Variants in KCNJ10 observed in about 807,000 individuals in gnomAD.
KCNJ10 encodes ATP-sensitive inward rectifier potassium channel 10.
Under a neutral mutation model 22.2 loss-of-function variants are expected in KCNJ10, and 9 were observed. The observed-to-expected ratio is 0.40, with a 90% CI of 0.24 to 0.71. The LOEUF is 0.71. Ranked by LOEUF, KCNJ10 falls within the 30% of genes least tolerant of loss-of-function variation. The probability of loss-of-function intolerance (pLI) is 0.35; values close to 1 mark genes in which losing one functional copy is unlikely to be tolerated. For missense variants in KCNJ10, 337 were observed against 482.7 expected, an observed-to-expected ratio of 0.70 and a Z score of 2.83; for synonymous variants, 184 against 187.3, an observed-to-expected ratio of 0.98 and a Z score of 0.15.
rs1648575092 is a variant in KCNJ10, at chr1:160,040,417, G to A, written c.*976C>T. The A allele has an allele frequency of 2.5e-6, 1 of 397,470 alleles. No individual in the cohort carries two copies. The highest frequency in any genetic ancestry group is 4.4e-6 in the Non-Finnish European group (1 of 225,460). The allele number at this position is 397,470 out of a possible 1,614,324, so 24.6% of individuals were successfully genotyped here. On this transcript the variant is annotated 3_prime_UTR_variant, in exon 2 of 2. Coordinates refer to ENST00000644903, the MANE Select transcript of KCNJ10 (RefSeq NM_002241.5). ...TTTCCCTCCCTTCTCCCAAAGAGTTGGGGTTAAGGAAGAAGGATCTAGGCT... is the reference window on the plus strand; with the variant it reads ...TTTCCCTCCCTTCTCCCAAAGAGTTAGGGTTAAGGAAGAAGGATCTAGGCT...
chr1:160,060,752 A>T (rs1159995184), intron 1 of KCNJ10, among the ~76,000 whole-genome samples: 2 of 152,164 alleles, frequency 1.3e-5, no homozygotes, highest in Non-Finnish European at 2.9e-5. Context: ...AACTGCTAGA[A>T]GATGCTCTGG....
chr1:160,048,219 C>T lies in KCNJ10; in HGVS notation c.1-5687G>A, dbSNP rs984389523. On this transcript the variant is annotated intron_variant, in intron 1 of 1. Transcript: ENST00000644903. ...GGAATGACTGAAAGCCTGATCTGGA[C>T]GGGCCAAGGCCTCACAGGAGACACC... Among the ~76,000 whole-genome samples, 12 of 21,682 alleles carry T rather than the reference C, an allele frequency of 5.5e-4. No homozygotes were observed. The East Asian group carries it at 0.011, about 20-fold the overall frequency. The allele number at this position is 21,682 out of a possible 152,430, so 14.2% of individuals were successfully genotyped here.
At chr1:160,063,838 G>A (rs2101935835) in intron 1 of KCNJ10, among the ~76,000 whole-genome samples, 1 of 152,302 alleles carries the variant, frequency 6.6e-6, no homozygotes, top group African/African-American at 2.4e-5. Flanking sequence ...GGATTCAGGG[G>A]CAAGGCTCCG....
chr1:160,056,963 T>A (rs527288781), intron 1 of KCNJ10, among the ~76,000 whole-genome samples: 2 of 152,340 alleles, frequency 1.3e-5, no homozygotes, highest in African/African-American at 4.8e-5. Context: ...CTATTTCTTA[T>A]CCTGGCATGT....
chr1:160,060,091 C>A (rs1649149790), intron 1 of KCNJ10, among the ~76,000 whole-genome samples: 1 of 152,144 alleles, frequency 6.6e-6, no homozygotes, highest in Non-Finnish European at 1.5e-5. Flanking sequence ...CTCTGACCCT[C>A]ACTCAGAGGA....
intron 1 of KCNJ10, among the ~76,000 whole-genome samples, chr1:160,056,163 A>G (rs189352094): frequency 6.6e-6 from 1 of 151,954 alleles, no homozygotes; most frequent in Non-Finnish European, 1.5e-5. Context: ...CATTCACTTG[A>G]AGTGTTGCAA....
chr1:160,042,456 C>A lies in KCNJ10; in HGVS notation c.77G>T (p.Arg26Leu). ...ESRPLMGPGI[R>L]RRRVLTKDGR... is the part of the protein sequence containing the mutation. Reference sequence around the variant, plus strand: ...ATCTTTTGTCAGGACTCTCCGCCGTCGTATCCCTGGGCCCATTAGGGGCCG... The same window carrying A: ...ATCTTTTGTCAGGACTCTCCGCCGTAGTATCCCTGGGCCCATTAGGGGCCG... The change falls in exon 2 of 2, where the codon CGA becomes CTA. Residue 26 changes from arginine to leucine, a missense_variant. This residue lies in a region of KCNJ10 where 107 missense variants were observed against 135.2 expected (regional missense o/e 0.79). Coordinates refer to ENST00000644903, the MANE Select transcript of KCNJ10 (RefSeq NM_002241.5). The A allele has an allele frequency of 6.2e-7, 1 of 1,614,164 alleles. No individual in the cohort carries two copies. Among genetic ancestry groups the A allele is most frequent in the South Asian group, 1.1e-5 (1 of 91,064 alleles).
At position 160,038,671 on chromosome 1, in the gene KCNJ10, A is replaced by G. The variant is rs1266897167; in HGVS notation, c.*2722T>C. ...TTTGGGCATATATACATCTATATAC[A>G]TCTTTCTATATATATATTATCTCTG... On this transcript the variant is annotated 3_prime_UTR_variant, in exon 2 of 2. Transcript: ENST00000644903. 1 of 152,064 alleles carries G rather than the reference A, an allele frequency of 6.6e-6. No individual in the cohort carries two copies. Among genetic ancestry groups the G allele is most frequent in the Admixed American group, 6.6e-5 (1 of 15,256 alleles). The allele number at this position is 152,064 out of a possible 1,614,324, so 9.4% of individuals were successfully genotyped here. A position where few individuals can be genotyped will look rare whatever the true frequency, so the allele number is the denominator to read the frequency against.
chr1:160,042,924 G>A (rs1442926547), intron 1 of KCNJ10, among the ~76,000 whole-genome samples: 1 of 133,354 alleles, frequency 7.5e-6, no homozygotes, highest in Non-Finnish European at 1.6e-5. Context: ...GTGACACAGC[G>A]AGACTCCGTC....
intron 1 of KCNJ10, among the ~76,000 whole-genome samples, chr1:160,057,383 G>A (rs1195432771): frequency 1.3e-5 from 2 of 152,070 alleles, no homozygotes; most frequent in Non-Finnish European, 2.9e-5. Flanking sequence ...CCATCCCTTC[G>A]ATCTCCTTTC....
chr1:160,060,862 T>C (rs1199313015), intron 1 of KCNJ10, among the ~76,000 whole-genome samples: 1 of 152,186 alleles, frequency 6.6e-6, no homozygotes, highest in African/African-American at 2.4e-5. Context: ...GAAGGACTTA[T>C]AATTGATAGA....
chr1:160,042,437 T>G lies in KCNJ10; in HGVS notation c.96A>C (p.Thr32=), dbSNP rs2101925165. ...GPGIRRRRVL[T]KDGRSNVRME... Reference sequence around the variant, plus strand: ...TTCTCACGTTGCTGCGACCATCTTTTGTCAGGACTCTCCGCCGTCGTATCC... The same window carrying G: ...TTCTCACGTTGCTGCGACCATCTTTGGTCAGGACTCTCCGCCGTCGTATCC... The change falls in exon 2 of 2, where the codon ACA becomes ACC. Residue 32 remains threonine, a synonymous_variant. Coordinates refer to ENST00000644903, the MANE Select transcript of KCNJ10 (RefSeq NM_002241.5). 1 of 1,614,224 alleles carries G rather than the reference T, an allele frequency of 6.2e-7. No homozygotes were observed. The highest frequency in any genetic ancestry group is 8.5e-7 in the Non-Finnish European group (1 of 1,180,044).
intron 1 of KCNJ10, among the ~76,000 whole-genome samples, chr1:160,042,862 G>A (rs186595173): frequency 5.3e-5 from 8 of 151,742 alleles, no homozygotes; most frequent in South Asian, 4.2e-4. Context: ...GCTTGAACCC[G>A]GGAGACAGAG....
intron 1 of KCNJ10, among the ~76,000 whole-genome samples, chr1:160,046,967 C>A (rs1423825106): frequency 6.6e-6 from 1 of 152,186 alleles, no homozygotes; most frequent in African/African-American, 2.4e-5. Flanking sequence ...CAGAGATATT[C>A]ACCTTCTTTC....
rs1218919902 is a variant in KCNJ10 at position 160,038,667 on chromosome 1, A to G, written c.*2726T>C. On this transcript the variant is annotated 3_prime_UTR_variant, in exon 2 of 2. Coordinates refer to ENST00000644903, the MANE Select transcript of KCNJ10 (RefSeq NM_002241.5). ...TATATTTGGGCATATATACATCTAT[A>G]TACATCTTTCTATATATATATTATC... 4 of 152,118 alleles carry G rather than the reference A, an allele frequency of 2.6e-5. No homozygotes were observed. The highest frequency in any genetic ancestry group is 5.9e-5 in the Non-Finnish European group (4 of 68,024). The allele number at this position is 152,118 out of a possible 1,614,324, so 9.4% of individuals were successfully genotyped here.
Position 160,060,973 on chromosome 1 carries a change from A to G in KCNJ10, c.-1+9049T>C, listed in dbSNP as rs543629005. 4.6e-5 allele frequency among the ~76,000 whole-genome samples: 7 copies of G among 152,186 alleles called. No individual in the cohort carries two copies. The East Asian group carries it at 1.4e-3, about 29-fold the overall frequency. On this transcript the variant is annotated intron_variant, in intron 1 of 1. Transcript: ENST00000644903. ...GGGCCGGTAGGAGGGTGGGAAGTGA[A>G]AGGAGGTAGGCTCACTCTGCCTAGG...
chr1:160,042,627 G>T, intron 1 of KCNJ10, 95 bp from the exon 2 acceptor site: 2 of 1,099,536 alleles, frequency 1.8e-6, no homozygotes, highest in Non-Finnish European at 2.7e-6. Flanking sequence ...ACATTCATTT[G>T]AATGTCGCTT....
intron 1 of KCNJ10, among the ~76,000 whole-genome samples, chr1:160,057,726 A>G (rs930369234): frequency 6.6e-6 from 1 of 152,210 alleles, no homozygotes; most frequent in African/African-American, 2.4e-5. Context: ...TTGAGAAACT[A>G]GGGAGGGTAT....
chr1:160,057,623 G>A (rs569394218), intron 1 of KCNJ10, among the ~76,000 whole-genome samples: 96 of 152,290 alleles, frequency 6.3e-4, no homozygotes, highest in Middle Eastern at 3.4e-3. Context: ...CAGGCAGCTG[G>A]CAGCCTTCTC....
Sources: allele counts gnomAD v4.1 joint callset (sites outside exome capture counted in the v4.1 genomes callset), GRCh38; gene constraint gnomAD v4.1.1; regional missense constraint gnomAD v4.1.1; transcripts MANE v1.5; gene names NCBI Gene and HGNC (gene_info 2026-07-23, HGNC 2026-07-21).